PARD6G: variants seen among roughly 807,000 people sequenced by gnomAD.
PARD6G encodes partitioning defective 6 homolog gamma.
In PARD6G, 7 loss-of-function variants were observed where a neutral mutation model predicts 10.7. The observed-to-expected ratio is 0.66, with a 90% CI of 0.37 to 1.23. The LOEUF (loss-of-function observed/expected upper bound fraction) is 1.23, where lower values mean the gene tolerates loss of function less well. PARD6G is among the 50% of genes most tolerant of loss of function. PARD6G has a pLI of 0.02. For synonymous variants in PARD6G, 287 were observed against 269.4 expected, an observed-to-expected ratio of 1.07 and a Z score of -0.64; for missense variants, 548 against 571.8, an observed-to-expected ratio of 0.96 and a Z score of 0.42.
intron 1 of PARD6G, among the ~76,000 whole-genome samples, chr18:80,214,456 A>G (rs7229651): frequency 0.19 from 29,262 of 151,990 alleles, 3,003 homozygotes; most frequent in Middle Eastern, 0.29. Flanking sequence ...ACAGAGCGAG[A>G]CTACATTTCA....
Position 80,246,609 on chromosome 18 carries a change from T to C in PARD6G, c.72+668A>G, listed in dbSNP as rs1243096435. On this transcript the variant is annotated intron_variant, in intron 1 of 2. Transcript: ENST00000353265. The surrounding 1 kb of genome is among the most constrained non-coding windows in gnomAD (Gnocchi z 6.7). ...GGGGGCGCGTCCGGAGGTGGGGGAG[T>C]CTGGGGTGGGGGCGCGCCCGTGGGG... Among the ~76,000 whole-genome samples the C allele has an allele frequency of 5.2e-5, 2 of 38,798 alleles. No homozygotes were observed. The highest frequency in any genetic ancestry group is 1.1e-4 in the Non-Finnish European group (2 of 18,614). The allele number at this position is 38,798 out of a possible 152,430, so 25.5% of individuals were successfully genotyped here.
chr18:80,228,411 A>G lies in PARD6G; in HGVS notation c.72+18866T>C, dbSNP rs374759752. 5.1e-4 allele frequency among the ~76,000 whole-genome samples: 78 copies of G among 152,254 alleles called. No homozygotes were observed. The East Asian group carries it at 9.1e-3, about 18-fold the overall frequency. Reference sequence around the variant, plus strand: ...TCTACATTGACCCCCAGCCTCCTCAATCAGCTCTGCTGGGTGAGTCGCAGG... The same window carrying G: ...TCTACATTGACCCCCAGCCTCCTCAGTCAGCTCTGCTGGGTGAGTCGCAGG... On this transcript the variant is annotated intron_variant, in intron 1 of 2. Transcript: ENST00000353265. The surrounding 1 kb of genome is among the most constrained non-coding windows in gnomAD (Gnocchi z 4.6).
chr18:80,174,457 C>T (rs999344887), intron 2 of PARD6G, among the ~76,000 whole-genome samples: 3 of 152,062 alleles, frequency 2.0e-5, no homozygotes, highest in Admixed American at 6.6e-5. Flanking sequence ...CATGAACCAC[C>T]GCACCTGCCC....
chr18:80,215,229 C>G (rs1460705375), intron 1 of PARD6G, among the ~76,000 whole-genome samples: 3 of 152,164 alleles, frequency 2.0e-5, no homozygotes, highest in Non-Finnish European at 4.4e-5. Context: ...ATTAGTAGAT[C>G]TGCCTTATAA....
At chr18:80,166,246 G>A (rs1157522765) in intron 2 of PARD6G, among the ~76,000 whole-genome samples, 3 of 151,648 alleles carry the variant, frequency 2.0e-5, no homozygotes, top group South Asian at 2.1e-4. Flanking sequence ...TGGTCAGGTC[G>A]GCACCAACAC....
chr18:80,212,312 C>T (rs60186330), intron 1 of PARD6G, among the ~76,000 whole-genome samples: 55 of 152,136 alleles, frequency 3.6e-4, no homozygotes, highest in African/African-American at 1.3e-3. Context: ...TCACTCATAA[C>T]CATGAACTGG....
chr18:80,196,108 CAATT>C (rs1460401441), intron 2 of PARD6G, among the ~76,000 whole-genome samples: 2 of 152,074 alleles, frequency 1.3e-5, no homozygotes, highest in Non-Finnish European at 1.5e-5. Flanking sequence ...ATTTAAATAA[CAATT>C]AATAAGGACT....
chr18:80,221,065 CTT>C (rs751039093), intron 1 of PARD6G, among the ~76,000 whole-genome samples: 2 of 152,114 alleles, frequency 1.3e-5, no homozygotes, highest in Non-Finnish European at 2.9e-5. Flanking sequence ...TGAATTATCT[CTT>C]GTTTAATTGA....
At chr18:80,160,742 C>T (rs965698526) in intron 2 of PARD6G, 136 bp from the exon 3 acceptor site, 52 of 1,298,816 alleles carry the variant, frequency 4.0e-5, no homozygotes, top group African/African-American at 3.4e-4. Context: ...TCCAGACCTG[C>T]AGGCTGAGCT....
At chr18:80,238,605 C>G (rs974371343) in intron 1 of PARD6G, among the ~76,000 whole-genome samples, 13 of 152,018 alleles carry the variant, frequency 8.6e-5, no homozygotes, top group Non-Finnish European at 1.9e-4. Context: ...TAGGTACTCA[C>G]TAGAAAAGGG....
Position 80,181,897 on chromosome 18 carries a change from G to A in PARD6G, c.295+20813C>T, listed in dbSNP as rs2052850423. On this transcript the variant is annotated intron_variant, in intron 2 of 2. Coordinates refer to ENST00000353265, the MANE Select transcript of PARD6G (RefSeq NM_032510.4). This position sits in a 1 kb window ranked among gnomAD's most constrained non-coding sequence, Gnocchi z 7.9. Reference sequence around the variant, plus strand: ...CCTGGGAGGGAAGCAGCCCAGCCCCGCTGATAGAACCTGCATTTCAAACAG... The same window carrying A: ...CCTGGGAGGGAAGCAGCCCAGCCCCACTGATAGAACCTGCATTTCAAACAG... Among the ~76,000 whole-genome samples the A allele has an allele frequency of 6.6e-6, 1 of 152,112 alleles. No individual in the cohort carries two copies. The highest frequency in any genetic ancestry group is 1.5e-5 in the Non-Finnish European group (1 of 68,024).
Position 80,226,166 on chromosome 18 carries a change from T to G in PARD6G, c.72+21111A>C, listed in dbSNP as rs1186688919. On this transcript the variant is annotated intron_variant, in intron 1 of 2. Coordinates refer to ENST00000353265, the MANE Select transcript of PARD6G (RefSeq NM_032510.4). The stretch of plus-strand genomic sequence containing the variant: ...AATGACTTCAGTTTTTTTTTTTTTT[T>G]TTTTTTTTTTTTTTTTTTTTTAGAC... Among the ~76,000 whole-genome samples, 92 of 137,964 alleles carry G rather than the reference T, an allele frequency of 6.7e-4. 8 individuals carry two copies. The highest frequency in any genetic ancestry group is 7.1e-3 in the Middle Eastern group (2 of 280). 90.5% of individuals were successfully genotyped at this position (137,964 alleles called of 152,430 possible). A position where few individuals can be genotyped will look rare whatever the true frequency, so the allele number is the denominator to read the frequency against.
chr18:80,180,699 C>T lies in PARD6G; in HGVS notation c.296-20093G>A, dbSNP rs2052844400. Among the ~76,000 whole-genome samples the T allele has an allele frequency of 1.3e-5, 2 of 152,164 alleles. No homozygotes were observed. The highest frequency in any genetic ancestry group is 4.8e-5 in the African/African-American group (2 of 41,440). ...GTGAGCTTGGCAGAGGCACCACAGG[C>T]TCTTGGGTCCCCTCATACAAGCTTT... On this transcript the variant is annotated intron_variant, in intron 2 of 2. Transcript: ENST00000353265. The surrounding 1 kb of genome is among the most constrained non-coding windows in gnomAD (Gnocchi z 5.6).
chr18:80,209,748 T>C, intron 1 of PARD6G, among the ~76,000 whole-genome samples: 1 of 152,030 alleles, frequency 6.6e-6, no homozygotes, highest in East Asian at 1.9e-4. Context: ...GGATGTGGAG[T>C]CTGCAGTGAA....
Position 80,247,409 on chromosome 18 carries a change from C to T in PARD6G, c.-61G>A, listed in dbSNP as rs1392094553. On this transcript the variant is annotated 5_prime_UTR_variant, in exon 1 of 3. Coordinates refer to ENST00000353265, the MANE Select transcript of PARD6G (RefSeq NM_032510.4). This position sits in a 1 kb window ranked among gnomAD's most constrained non-coding sequence, Gnocchi z 4.2. ...CTCCTCAGGGGCCGCAGAAAGACTC[C>T]CGGGGGCGGCGCCCCCAGGCCCCGG... The T allele has an allele frequency of 7.9e-6, 11 of 1,397,406 alleles. No homozygotes were observed. The highest frequency in any genetic ancestry group is 2.1e-5 in the Admixed American group (1 of 47,218). 86.6% of individuals were successfully genotyped at this position (1,397,406 alleles called of 1,614,324 possible).
At position 80,160,322 on chromosome 18, in the gene PARD6G, A is replaced by G. The variant is rs755435905; in HGVS notation, c.580T>C (p.Phe194Leu). Residue 194 changes from phenylalanine to leucine, a missense_variant, in exon 3 of 3, where the codon TTC becomes CTC. This residue lies in a region of PARD6G where 235 missense variants were observed against 291.9 expected (regional missense o/e 0.81). Coordinates refer to ENST00000353265, the MANE Select transcript of PARD6G (RefSeq NM_032510.4). ...PHGLEKVPGI[F>L]ISRMVPGGLA... ...CCCCCGGGTACCATGCGCGAGATGA[A>G]GATGCCGGGCACCTTCTCCAGCCCG... is the stretch of plus-strand genomic sequence containing the variant. The G allele has an allele frequency of 4.3e-6, 7 of 1,611,944 alleles. No individual in the cohort carries two copies. The highest frequency in any genetic ancestry group is 5.9e-6 in the Non-Finnish European group (7 of 1,179,824).
chr18:80,205,693 C>G (rs138812664), intron 1 of PARD6G, among the ~76,000 whole-genome samples: 1 of 152,332 alleles, frequency 6.6e-6, no homozygotes, highest in African/African-American at 2.4e-5. Flanking sequence ...GAGGCCGTCC[C>G]AGGAGCAGAT....
chr18:80,232,482 C>A (rs140802714), intron 1 of PARD6G, among the ~76,000 whole-genome samples: 1 of 152,060 alleles, frequency 6.6e-6, no homozygotes, highest in South Asian at 2.1e-4. Flanking sequence ...GTGAAAGGCA[C>A]TTCTTACATG....
intron 2 of PARD6G, among the ~76,000 whole-genome samples, chr18:80,173,819 TGGAGCTGCTCCCCAGCA>T (rs2052792441): frequency 6.6e-6 from 1 of 152,234 alleles, no homozygotes; most frequent in African/African-American, 2.4e-5. Flanking sequence ...GAGGTGGCTC[TGGAGCTGCTCCCCAGCA>T]AGTTTGCTCA....
Sources: gnomAD v4.1 joint callset for allele counts (sites outside exome capture counted in the v4.1 genomes callset) on GRCh38, gnomAD v4.1.1 for gene constraint, gnomAD v4.1.1 regional missense constraint, Gnocchi (gnomAD v3.1) non-coding constraint, MANE v1.5 for transcripts, NCBI Gene and HGNC (gene_info 2026-07-23, HGNC 2026-07-21) for gene names.